The following IFTAP variants were observed in gnomAD, a reference collection of about 807,000 sequenced individuals.
The protein encoded by IFTAP is intraflagellar transport-associated protein.
IFTAP carries 19 observed loss-of-function variants against 19.4 expected under a neutral mutation model. That is an observed-to-expected ratio of 0.98 (90% CI 0.68 to 1.44). The LOEUF (loss-of-function observed/expected upper bound fraction) is 1.44, where lower values mean the gene tolerates loss of function less well. Among genes scored for constraint, IFTAP ranks in the 40% most tolerant of loss-of-function variants. The pLI, the probability that IFTAP is intolerant of heterozygous loss-of-function variation, is 0.00. For synonymous variants in IFTAP, 85 were observed against 83.5 expected (o/e 1.02, Z -0.10); for missense variants, 240 against 253.6 (o/e 0.95, Z 0.36).
intron 4 of IFTAP, among the ~76,000 whole-genome samples, chr11:36,639,069 G>A (rs534243721): frequency 6.6e-6 from 1 of 152,262 alleles, no homozygotes; most frequent in South Asian, 2.1e-4. Context: ...TTAACCTGGT[G>A]ACTGTCATGC....
chr11:36,605,892 CCT>C lies in IFTAP; in HGVS notation c.-23-4186_-23-4185del, dbSNP rs535114958. On this transcript the variant is annotated intron_variant, in intron 1 of 5. Coordinates refer to ENST00000334307, the MANE Select transcript of IFTAP (RefSeq NM_138787.4). Reference sequence around the variant, plus strand: ...AGGCAAGTGTCTCTCTCTCTCTCCCCCTCTTTTTCTTTTAGAAAAATACTTCG... The same window carrying C: ...AGGCAAGTGTCTCTCTCTCTCTCCCCCTTTTTCTTTTAGAAAAATACTTCG... Among the ~76,000 whole-genome samples the C allele has an allele frequency of 9.0e-3, 1,369 of 152,258 alleles. 11 individuals are homozygous for C. Among genetic ancestry groups the C allele is most frequent in the Non-Finnish European group, 0.015 (1,003 of 68,010 alleles).
chr11:36,656,390 C>A (rs1410573331), intron 5 of IFTAP, among the ~76,000 whole-genome samples: 1 of 152,036 alleles, frequency 6.6e-6, no homozygotes, highest in South Asian at 2.1e-4. Context: ...GCCGACATGG[C>A]GAAACCCTAT....
At chr11:36,605,650 ACCAGGC>A (rs1242434782) in intron 1 of IFTAP, among the ~76,000 whole-genome samples, 3 of 152,294 alleles carry the variant, frequency 2.0e-5, no homozygotes, top group African/African-American at 7.2e-5. Context: ...CCTATTCCTA[ACCAGGC>A]CTGTGGTCTT....
intron 4 of IFTAP, among the ~76,000 whole-genome samples, chr11:36,645,830 T>C (rs758838683): frequency 2.0e-5 from 3 of 152,206 alleles, no homozygotes; most frequent in Non-Finnish European, 4.4e-5. Context: ...ATAGTCATTT[T>C]ACATCATCCA....
intron 2 of IFTAP, among the ~76,000 whole-genome samples, chr11:36,626,104 T>G (rs746477495): frequency 4.6e-5 from 7 of 151,164 alleles, no homozygotes; most frequent in Non-Finnish European, 7.3e-5. Flanking sequence ...GTTGATTGAT[T>G]TTAGTACTAG....
intron 2 of IFTAP, among the ~76,000 whole-genome samples, chr11:36,630,124 C>T (rs1282140126): frequency 6.6e-6 from 1 of 151,354 alleles, no homozygotes; most frequent in Non-Finnish European, 1.5e-5. Flanking sequence ...TAGGAAGTGG[C>T]ATCTGGCTCT....
intron 2 of IFTAP, among the ~76,000 whole-genome samples, chr11:36,614,145 A>C: frequency 7.1e-6 from 1 of 140,334 alleles, no homozygotes; most frequent in Non-Finnish European, 1.5e-5. Flanking sequence ...TTCAATTCCC[A>C]CCTATGATTG....
At chr11:36,602,373 G>T (rs1189356266) in intron 1 of IFTAP, among the ~76,000 whole-genome samples, 1 of 152,180 alleles carries the variant, frequency 6.6e-6, no homozygotes, top group East Asian at 1.9e-4. Flanking sequence ...TGTGCAGGTG[G>T]CTAACAGGCT....
In IFTAP at chr11:36,610,158, G is replaced by T; in HGVS notation, c.55G>T (p.Asp19Tyr). The change falls in exon 2 of 6, where the codon GAC (aspartate) becomes TAC (tyrosine). Residue 19 changes from aspartate to tyrosine, a missense_variant. Asp to Tyr is a radical substitution (Grantham distance 160). Transcript: ENST00000334307. ...AATGGATGAAGATCAATTAATCAAAGACGTCTTGGATAAATTCCTTAATTG... is the reference window on the plus strand; with the variant it reads ...AATGGATGAAGATCAATTAATCAAATACGTCTTGGATAAATTCCTTAATTG... ...EIMDEDQLIK[D>Y]VLDKFLNCHE... The T allele has an allele frequency of 6.2e-7, 1 of 1,611,716 alleles. No individual in the cohort carries two copies. Among genetic ancestry groups the T allele is most frequent in the South Asian group, 1.1e-5 (1 of 90,998 alleles).
intron 2 of IFTAP, among the ~76,000 whole-genome samples, chr11:36,628,583 A>C (rs1321708792): frequency 6.6e-6 from 1 of 151,224 alleles, no homozygotes; most frequent in Non-Finnish European, 1.5e-5. Context: ...TGTCTTTGTC[A>C]CCTTGCATAT....
chr11:36,644,406 G>T (rs1263615730), intron 4 of IFTAP, among the ~76,000 whole-genome samples: 2 of 152,218 alleles, frequency 1.3e-5, no homozygotes, highest in Non-Finnish European at 2.9e-5. Context: ...TGGTGGGACT[G>T]TAAACTAGTT....
intron 4 of IFTAP, among the ~76,000 whole-genome samples, chr11:36,643,714 C>G (rs753199609): frequency 4.6e-5 from 7 of 152,156 alleles, no homozygotes; most frequent in Non-Finnish European, 8.8e-5. Flanking sequence ...ACCATCTGAT[C>G]TTTGACAAAC....
chr11:36,651,492 T>C (rs1194646157), intron 5 of IFTAP, among the ~76,000 whole-genome samples: 1 of 152,094 alleles, frequency 6.6e-6, no homozygotes, highest in East Asian at 1.9e-4. Context: ...TTTTCTCCCA[T>C]TCTGTAGGTT....
chr11:36,613,864 C>G (rs897294749), intron 2 of IFTAP, among the ~76,000 whole-genome samples: 1 of 151,602 alleles, frequency 6.6e-6, no homozygotes, highest in Non-Finnish European at 1.5e-5. Flanking sequence ...GAATATGTAG[C>G]CTTGTTTTAG....
At chr11:36,625,935 T>C (rs1015067678) in intron 2 of IFTAP, among the ~76,000 whole-genome samples, 1 of 145,284 alleles carries the variant, frequency 6.9e-6, no homozygotes, top group Non-Finnish European at 1.5e-5. Flanking sequence ...TAGCAGCACC[T>C]GCCCAGCTGA....
rs369835142 is a variant in IFTAP at position 36,603,767 on chromosome 11, CAA to C, written c.-23-6310_-23-6309del. Among the ~76,000 whole-genome samples the C allele has an allele frequency of 5.8e-4, 88 of 151,996 alleles. 2 individuals carry two copies. In the South Asian group the frequency reaches 0.018, roughly 31 times the overall value. ...TGAAACCCTGTCTCTACTCAGAATACAAAAATTAGTCAGGTGTGGTGGTGTGC... is the reference window on the plus strand; with the variant it reads ...TGAAACCCTGTCTCTACTCAGAATACAAATTAGTCAGGTGTGGTGGTGTGC... On this transcript the variant is annotated intron_variant, in intron 1 of 5. Coordinates refer to ENST00000334307, the MANE Select transcript of IFTAP (RefSeq NM_138787.4).
chr11:36,647,478 T>C (rs1446621211), intron 4 of IFTAP, among the ~76,000 whole-genome samples: 5 of 152,146 alleles, frequency 3.3e-5, no homozygotes, highest in African/African-American at 9.7e-5. Context: ...TGCTGTTCTT[T>C]GCAAGTGTTG....
chr11:36,622,878 G>A (rs763136583), intron 2 of IFTAP, among the ~76,000 whole-genome samples: 6 of 152,054 alleles, frequency 3.9e-5, no homozygotes, highest in Non-Finnish European at 8.8e-5. Context: ...ACTATGTATA[G>A]TACATATTGT....
intron 4 of IFTAP, among the ~76,000 whole-genome samples, chr11:36,639,721 G>C (rs1313990556): frequency 6.6e-6 from 1 of 152,132 alleles, no homozygotes; most frequent in Non-Finnish European, 1.5e-5. Flanking sequence ...GTTCCTGAGG[G>C]ATCTACTCTG....
Sources: gnomAD v4.1 joint callset for allele counts (sites outside exome capture counted in the v4.1 genomes callset) on GRCh38, gnomAD v4.1.1 for gene constraint, MANE v1.5 for transcripts, NCBI Gene and HGNC (gene_info 2026-07-23, HGNC 2026-07-21) for gene names.